The following DPP10 variants were observed in gnomAD, a reference collection of about 807,000 sequenced individuals.
DPP10 encodes dipeptidyl peptidase like 10.
In DPP10, 33 loss-of-function variants were observed where a neutral mutation model predicts 120.9. That is an observed-to-expected ratio of 0.27 (90% CI 0.21 to 0.37). The LOEUF (loss-of-function observed/expected upper bound fraction) is 0.37, where lower values mean the gene tolerates loss of function less well. Ranked by LOEUF, DPP10 falls within the 10% of genes least tolerant of loss-of-function variation. The probability of loss-of-function intolerance (pLI) is 1.00; values close to 1 mark genes in which losing one functional copy is unlikely to be tolerated. For synonymous variants in DPP10, 337 were observed against 326.1 expected (o/e 1.03, Z -0.36); for missense variants, 816 against 942.8 (o/e 0.87, Z 1.76).
rs139891595 is a variant in DPP10, at chr2:115,519,504, ATAAT to A, written c.367-6387_367-6384del. On this transcript the variant is annotated intron_variant, in intron 4 of 25. Coordinates refer to ENST00000410059, the MANE Select transcript of DPP10 (RefSeq NM_020868.6). ...AAAGAGATATAATTTAAGCATGATC[ATAAT>A]TAATTAGTCAGCTAAGAAAAGAGAA... Among the ~76,000 whole-genome samples the A allele has an allele frequency of 4.3e-3, 656 of 152,352 alleles. 25 individuals carry two copies. The East Asian group carries it at 0.078, about 18-fold the overall frequency.
At chr2:115,352,591 A>G (rs1270644631) in intron 3 of DPP10, among the ~76,000 whole-genome samples, 1 of 152,196 alleles carries the variant, frequency 6.6e-6, no homozygotes, top group Non-Finnish European at 1.5e-5. Flanking sequence ...AGATTGAAGC[A>G]CAGCCAAACA....
At chr2:114,706,150 G>A (rs1446948223) in intron 1 of DPP10, among the ~76,000 whole-genome samples, 2 of 152,170 alleles carry the variant, frequency 1.3e-5, no homozygotes, top group African/African-American at 4.8e-5. Flanking sequence ...AGAGCTGCCT[G>A]GCCATATCTT....
chr2:115,308,507 A>C (rs901518013), intron 1 of DPP10, among the ~76,000 whole-genome samples: 1 of 152,082 alleles, frequency 6.6e-6, no homozygotes, highest in African/African-American at 2.4e-5. Context: ...ACACATATCT[A>C]GTCAACACAG....
At chr2:114,935,422 C>G (rs529275581) in intron 1 of DPP10, among the ~76,000 whole-genome samples, 4 of 152,252 alleles carry the variant, frequency 2.6e-5, no homozygotes, top group Admixed American at 2.0e-4. Flanking sequence ...TTTAAATGTA[C>G]ACATTCAGTA....
intron 1 of DPP10, among the ~76,000 whole-genome samples, chr2:114,918,041 C>G (rs1694932337): frequency 6.6e-6 from 1 of 152,008 alleles, no homozygotes; most frequent in Admixed American, 6.6e-5. Flanking sequence ...AGAAAATATT[C>G]TCAAACTATG....
rs116386720 is a variant in DPP10 at position 114,526,968 on chromosome 2, A to T, written c.60+84130A>T. The stretch of plus-strand genomic sequence containing the variant: ...TCATTCCAAACTTAACTTTTCCTGT[A>T]ATCCTCTCCTTTTGATGTCATACCA... On this transcript the variant is annotated intron_variant, in intron 1 of 25. Transcript: ENST00000410059. Among the ~76,000 whole-genome samples the T allele has an allele frequency of 4.5e-3, 681 of 152,296 alleles. 2 individuals carry two copies. The highest frequency in any genetic ancestry group is 0.014 in the Middle Eastern group (4 of 292).
At position 114,965,964 on chromosome 2, in the gene DPP10, C is replaced by CAAAAAAAAAAAAAAAAAAAAA. The variant is rs57107624; in HGVS notation, c.61-343272_61-343252dup. 7.2e-4 allele frequency among the ~76,000 whole-genome samples: 54 copies of CAAAAAAAAAAAAAAAAAAAAA among 74,816 alleles called. 1 individual carries two copies. Among genetic ancestry groups the CAAAAAAAAAAAAAAAAAAAAA allele is most frequent in the East Asian group, 1.9e-3 (4 of 2,112 alleles). 49.1% of individuals were successfully genotyped at this position (74,816 alleles called of 152,430 possible). On this transcript the variant is annotated intron_variant, in intron 1 of 25. Transcript: ENST00000410059. ...TTGGGCGCAGAGCGAGACTCCTTCT[C>CAAAAAAAAAAAAAAAAAAAAA]AAAAAAAAAAAAAAAAAAAAAAAGA...
chr2:114,564,838 G>C (rs1297445228), intron 1 of DPP10, among the ~76,000 whole-genome samples: 2 of 152,146 alleles, frequency 1.3e-5, no homozygotes, highest in African/African-American at 4.8e-5. Flanking sequence ...CTGCTCTCAG[G>C]CTGTGGTGCA....
intron 1 of DPP10, among the ~76,000 whole-genome samples, chr2:114,885,810 C>A (rs1403212014): frequency 1.3e-5 from 2 of 152,178 alleles, no homozygotes; most frequent in African/African-American, 4.8e-5. Context: ...ATAGAATTGA[C>A]TTCCTAGTTG....
intron 5 of DPP10, among the ~76,000 whole-genome samples, chr2:115,618,448 C>T (rs2084692269): frequency 6.6e-6 from 1 of 152,066 alleles, no homozygotes; most frequent in Non-Finnish European, 1.5e-5. Context: ...GTGAAAGAGA[C>T]AAATAAGAAG....
At position 115,163,803 on chromosome 2, in the gene DPP10, A is replaced by G. The variant is rs578191384; in HGVS notation, c.61-145436A>G. Among the ~76,000 whole-genome samples the G allele has an allele frequency of 2.0e-5, 3 of 152,290 alleles. No individual in the cohort carries two copies. In the South Asian group the frequency reaches 6.2e-4, roughly 32 times the overall value. ...CCAGCTGGTTACTTGAGGCGCTGCA[A>G]ACAGTTCAGTGATGGTGGAAGTGGG... On this transcript the variant is annotated intron_variant, in intron 1 of 25. Transcript: ENST00000410059.
intron 1 of DPP10, among the ~76,000 whole-genome samples, chr2:114,593,786 C>A (rs1691656333): frequency 6.6e-6 from 1 of 151,986 alleles, no homozygotes; most frequent in South Asian, 2.1e-4. Context: ...GTGAAGAAAG[C>A]AATGGGGATG....
chr2:114,568,619 G>A (rs1203614835), intron 1 of DPP10, among the ~76,000 whole-genome samples: 1 of 152,122 alleles, frequency 6.6e-6, no homozygotes, highest in Non-Finnish European at 1.5e-5. Flanking sequence ...TTTGTAAGAC[G>A]ACAATCAGAA....
intron 1 of DPP10, among the ~76,000 whole-genome samples, chr2:115,107,536 G>A (rs1282523546): frequency 7.0e-6 from 1 of 142,914 alleles, no homozygotes; most frequent in African/African-American, 2.6e-5. Context: ...AATTTCGACA[G>A]CTGTTTTTTA....
At chr2:115,383,268 A>G (rs150595657) in intron 3 of DPP10, among the ~76,000 whole-genome samples, 1 of 152,170 alleles carries the variant, frequency 6.6e-6, no homozygotes, top group Non-Finnish European at 1.5e-5. Context: ...TGCTGTTCTC[A>G]TGATAGTGAA....
At chr2:115,839,826 A>C (rs1689906526) in intron 24 of DPP10, among the ~76,000 whole-genome samples, 1 of 152,110 alleles carries the variant, frequency 6.6e-6, no homozygotes, top group Non-Finnish European at 1.5e-5. Context: ...TACCAAACCC[A>C]TGGCTATTGG....
chr2:115,453,803 C>T (rs1166603483), intron 3 of DPP10, among the ~76,000 whole-genome samples: 4 of 150,904 alleles, frequency 2.7e-5, no homozygotes, highest in Admixed American at 1.3e-4. Flanking sequence ...GGAAATATAC[C>T]CAAAAGTTAA....
intron 2 of DPP10, among the ~76,000 whole-genome samples, chr2:115,335,722 A>T (rs2063087627): frequency 1.3e-5 from 2 of 152,178 alleles, no homozygotes; most frequent in South Asian, 2.1e-4. Flanking sequence ...GGAGGGGTAG[A>T]AGTGATGTTA....
intron 1 of DPP10, among the ~76,000 whole-genome samples, chr2:114,919,173 A>C (rs937851156): frequency 1.3e-5 from 2 of 152,142 alleles, no homozygotes; most frequent in African/African-American, 4.8e-5. Context: ...TAAAACAATA[A>C]AATTCTGTTT....
Sources: allele counts gnomAD v4.1 joint callset (sites outside exome capture counted in the v4.1 genomes callset), GRCh38; gene constraint gnomAD v4.1.1; transcripts MANE v1.5; gene names NCBI Gene and HGNC (gene_info 2026-07-23, HGNC 2026-07-21).